The following GRM3 variants were observed in gnomAD, a reference collection of about 807,000 sequenced individuals.
The protein encoded by GRM3 is metabotropic glutamate receptor 3.
In GRM3, 26 loss-of-function variants were observed where a neutral mutation model predicts 70.5. The ratio of observed to expected loss-of-function variants is 0.37; its 90% CI spans 0.27 to 0.51. The LOEUF is 0.51. Ranked by LOEUF, GRM3 falls within the 20% of genes least tolerant of loss-of-function variation. The pLI is 0.93. For synonymous variants in GRM3, 443 were observed against 434.9 expected, an observed-to-expected ratio of 1.02 and a Z score of -0.23; for missense variants, 859 against 1,123.8, an observed-to-expected ratio of 0.76 and a Z score of 3.37.
At chr7:86,686,178 C>A (rs1794561742) in intron 1 of GRM3, among the ~76,000 whole-genome samples, 1 of 152,096 alleles carries the variant, frequency 6.6e-6, no homozygotes, top group Non-Finnish European at 1.5e-5. Flanking sequence ...GCAAATTAAG[C>A]GGCTATGATC....
intron 1 of GRM3, among the ~76,000 whole-genome samples, chr7:86,686,936 T>A (rs1048451709): frequency 3.3e-5 from 5 of 152,020 alleles, no homozygotes; most frequent in African/African-American, 1.2e-4. Flanking sequence ...ACTGAAATCC[T>A]GCAACTGAAA....
chr7:86,762,398 T>G (rs1412548258), intron 1 of GRM3, among the ~76,000 whole-genome samples: 1 of 152,054 alleles, frequency 6.6e-6, no homozygotes, highest in Non-Finnish European at 1.5e-5. Context: ...AGCCCATCAT[T>G]CGCTGCATGT....
intron 1 of GRM3, among the ~76,000 whole-genome samples, chr7:86,699,176 G>A (rs1167236652): frequency 6.6e-6 from 1 of 152,018 alleles, no homozygotes; most frequent in African/African-American, 2.4e-5. Context: ...TCCAGAAAGA[G>A]AAAATTCACT....
At position 86,864,524 on chromosome 7, in the gene GRM3, T is replaced by TAAAGTTCTAA; in HGVS notation, c.*170_*171insAAGTTCTAAA. On this transcript the variant is annotated 3_prime_UTR_variant, in exon 6 of 6. Coordinates refer to ENST00000361669, the MANE Select transcript of GRM3 (RefSeq NM_000840.3). ...TATATAGTGATGTGCTAGAACTTTC[T>TAAAGTTCTAA]AGGCTGAGTCTAGTGCCCCTATTAT... 1 of 583,606 alleles carries TAAAGTTCTAA rather than the reference T, an allele frequency of 1.7e-6. No homozygotes were observed. Among genetic ancestry groups the TAAAGTTCTAA allele is most frequent in the African/African-American group, 1.9e-5 (1 of 54,050 alleles). 36.2% of individuals were successfully genotyped at this position (583,606 alleles called of 1,614,324 possible). A position where few individuals can be genotyped will look rare whatever the true frequency, so the allele number is the denominator to read the frequency against.
intron 1 of GRM3, among the ~76,000 whole-genome samples, chr7:86,751,044 A>G (rs1796218725): frequency 6.6e-6 from 1 of 152,146 alleles, no homozygotes; most frequent in Non-Finnish European, 1.5e-5. Flanking sequence ...TTGATATTTT[A>G]ATCTTAGACC....
At chr7:86,646,867 A>G (rs1179421449) in intron 1 of GRM3, among the ~76,000 whole-genome samples, 1 of 152,158 alleles carries the variant, frequency 6.6e-6, no homozygotes, top group Non-Finnish European at 1.5e-5. Context: ...TGACCTACTT[A>G]TTTTTGCACA....
chr7:86,831,911 T>A (rs913322248), intron 3 of GRM3, among the ~76,000 whole-genome samples: 1 of 151,560 alleles, frequency 6.6e-6, no homozygotes, highest in African/African-American at 2.4e-5. Flanking sequence ...ACTGAAGACA[T>A]CTAAGTGGTG....
chr7:86,724,524 A>G (rs1024691244), intron 1 of GRM3, among the ~76,000 whole-genome samples: 1 of 152,110 alleles, frequency 6.6e-6, no homozygotes, highest in Non-Finnish European at 1.5e-5. Flanking sequence ...ACGCTGGAGA[A>G]CTCAGTAGCA....
At chr7:86,795,636 T>A (rs964451973) in intron 3 of GRM3, among the ~76,000 whole-genome samples, 1 of 152,214 alleles carries the variant, frequency 6.6e-6, no homozygotes, top group African/African-American at 2.4e-5. Flanking sequence ...TTCCATGGTG[T>A]ATATGTACCA....
intron 1 of GRM3, among the ~76,000 whole-genome samples, chr7:86,688,800 A>C (rs1176407701): frequency 1.4e-5 from 2 of 147,246 alleles, no homozygotes; most frequent in African/African-American, 2.5e-5. Flanking sequence ...TATGATATAT[A>C]TCTCTCACAC....
At chr7:86,782,415 T>G (rs1170534363) in intron 2 of GRM3, among the ~76,000 whole-genome samples, 1 of 152,064 alleles carries the variant, frequency 6.6e-6, no homozygotes. Flanking sequence ...TAGAAACCAT[T>G]CTCAATGGAG....
At chr7:86,668,093 ATTC>A (rs1482937383) in intron 1 of GRM3, among the ~76,000 whole-genome samples, 1 of 152,116 alleles carries the variant, frequency 6.6e-6, no homozygotes, top group African/African-American at 2.4e-5. Flanking sequence ...ATTTCATTAG[ATTC>A]TTAACTCAGG....
At chr7:86,666,710 C>A (rs1339115529) in intron 1 of GRM3, among the ~76,000 whole-genome samples, 1 of 151,854 alleles carries the variant, frequency 6.6e-6, no homozygotes, top group African/African-American at 2.4e-5. Flanking sequence ...GTTTATGAAG[C>A]ACATCTTACT....
intron 1 of GRM3, among the ~76,000 whole-genome samples, chr7:86,708,888 T>A (rs1020183143): frequency 2.6e-5 from 4 of 152,026 alleles, no homozygotes; most frequent in African/African-American, 7.2e-5. Context: ...AAGCAAGGTG[T>A]AGGAGAGTTC....
chr7:86,801,630 C>T (rs1797685479), intron 3 of GRM3, among the ~76,000 whole-genome samples: 1 of 152,142 alleles, frequency 6.6e-6, no homozygotes, highest in African/African-American at 2.4e-5. Context: ...ATTCTTTCTG[C>T]CATCAAGTAT....
At chr7:86,665,302 T>C (rs1732291723) in intron 1 of GRM3, among the ~76,000 whole-genome samples, 1 of 152,056 alleles carries the variant, frequency 6.6e-6, no homozygotes, top group South Asian at 2.1e-4. Flanking sequence ...TCTCCAGACT[T>C]CAATATACTA....
intron 3 of GRM3, among the ~76,000 whole-genome samples, chr7:86,790,405 T>A (rs143546282): frequency 6.6e-6 from 1 of 152,186 alleles, no homozygotes; most frequent in Non-Finnish European, 1.5e-5. Context: ...CATACCACCA[T>A]CTCTAGCCTA....
Position 86,804,478 on chromosome 7 carries a change from C to T in GRM3, c.1324+17362C>T, listed in dbSNP as rs559006839. 1.2e-4 allele frequency among the ~76,000 whole-genome samples: 19 copies of T among 152,312 alleles called. No homozygotes were observed. The South Asian group carries it at 3.9e-3, about 32-fold the overall frequency. On this transcript the variant is annotated intron_variant, in intron 3 of 5. Transcript: ENST00000361669. ...AGGCTGGAGTACAATGGCGCAATCT[C>T]GGCTCACTGCAACCTCCACCTCCCG...
chr7:86,808,366 C>T (rs775624458), intron 3 of GRM3, among the ~76,000 whole-genome samples: 16 of 151,994 alleles, frequency 1.1e-4, no homozygotes, highest in Non-Finnish European at 2.2e-4. Flanking sequence ...GCTGTGAATC[C>T]GTCTGGTCCT....
Sources: allele counts gnomAD v4.1 joint callset (sites outside exome capture counted in the v4.1 genomes callset), GRCh38; gene constraint gnomAD v4.1.1; transcripts MANE v1.5; gene names NCBI Gene and HGNC (gene_info 2026-07-23, HGNC 2026-07-21).